Variants in GRIK2 observed in about 807,000 individuals in gnomAD.
The protein encoded by GRIK2 is glutamate ionotropic receptor kainate type subunit 2, also known as glutamate receptor ionotropic, kainate 2.
GRIK2 carries 32 observed loss-of-function variants against 100.3 expected under a neutral mutation model. The observed-to-expected ratio is 0.32, with a 90% confidence interval of 0.24 to 0.43. GRIK2 has a LOEUF of 0.43. Among genes scored for constraint, GRIK2 ranks in the 20% least tolerant of loss-of-function variants. The pLI is 1.00. For synonymous variants in GRIK2, 417 were observed against 389.4 expected, an observed-to-expected ratio of 1.07 and a Z score of -0.83; for missense variants, 843 against 1,114.9, an observed-to-expected ratio of 0.76 and a Z score of 3.47.
intron 7 of GRIK2, among the ~76,000 whole-genome samples, chr6:101,774,046 A>C (rs1229977156): frequency 4.6e-5 from 7 of 152,134 alleles, no homozygotes; most frequent in Non-Finnish European, 1.0e-4. Flanking sequence ...CTAACTTTTT[A>C]AGTCTTTTTC....
chr6:101,402,410 C>G (rs938602262), intron 2 of GRIK2, among the ~76,000 whole-genome samples: 13 of 152,154 alleles, frequency 8.5e-5, no homozygotes, highest in Non-Finnish European at 1.6e-4. Flanking sequence ...TCCCCCTTAA[C>G]CTCCAGCCTC....
intron 7 of GRIK2, among the ~76,000 whole-genome samples, chr6:101,711,481 ATAT>A (rs1773692157): frequency 6.6e-6 from 1 of 151,792 alleles, no homozygotes; most frequent in South Asian, 2.1e-4. Context: ...TATAGTAGTA[ATAT>A]TAACTATTAA....
intron 2 of GRIK2, among the ~76,000 whole-genome samples, chr6:101,407,082 T>C (rs886536113): frequency 2.0e-5 from 3 of 152,158 alleles, no homozygotes; most frequent in African/African-American, 7.2e-5. Context: ...AGTAATGTTC[T>C]GCTTCTGAAA....
At chr6:101,518,026 A>C (rs1346025296) in intron 2 of GRIK2, among the ~76,000 whole-genome samples, 1 of 152,146 alleles carries the variant, frequency 6.6e-6, no homozygotes, top group Non-Finnish European at 1.5e-5. Flanking sequence ...TTTCCAACTT[A>C]AAGCTAATCT....
chr6:101,915,213 G>A (rs1026423883), intron 12 of GRIK2, among the ~76,000 whole-genome samples: 6 of 151,174 alleles, frequency 4.0e-5, no homozygotes, highest in African/African-American at 1.5e-4. Context: ...AATATTTTGG[G>A]ATATATGTTA....
chr6:101,592,653 A>G (rs1189787078), intron 2 of GRIK2, among the ~76,000 whole-genome samples: 2 of 138,426 alleles, frequency 1.4e-5, no homozygotes, highest in African/African-American at 5.5e-5. Flanking sequence ...CACTACGTCT[A>G]TCATCTCTCT....
intron 2 of GRIK2, among the ~76,000 whole-genome samples, chr6:101,620,837 A>G (rs1270713876): frequency 6.6e-6 from 1 of 152,132 alleles, no homozygotes; most frequent in Non-Finnish European, 1.5e-5. Flanking sequence ...TTTTGGAGGC[A>G]AAGGCCTCAG....
intron 14 of GRIK2, among the ~76,000 whole-genome samples, chr6:101,957,074 G>C (rs983125037): frequency 6.6e-6 from 1 of 151,846 alleles, no homozygotes; most frequent in Non-Finnish European, 1.5e-5. Flanking sequence ...CCTCTATACT[G>C]TTTTCCACAG....
chr6:101,871,860 G>T (rs958577920), intron 11 of GRIK2, among the ~76,000 whole-genome samples: 4 of 151,744 alleles, frequency 2.6e-5, no homozygotes, highest in African/African-American at 9.7e-5. Flanking sequence ...GTATCTCTTT[G>T]GTAGAACAAT....
At position 101,556,969 on chromosome 6, in the gene GRIK2, A is replaced by G. The variant is rs568615914; in HGVS notation, c.116-64980A>G. Among the ~76,000 whole-genome samples, 248 of 152,286 alleles carry G rather than the reference A, an allele frequency of 1.6e-3. 1 individual carries two copies. The highest frequency in any genetic ancestry group is 5.8e-3 in the African/African-American group (239 of 41,554). ...CATTGAAGTTTGAATAAATATTTCT[A>G]TACAGTACCTAAATTATTTTTACTT... On this transcript the variant is annotated intron_variant, in intron 2 of 16. Coordinates refer to ENST00000369134, the MANE Select transcript of GRIK2 (RefSeq NM_021956.5).
intron 2 of GRIK2, among the ~76,000 whole-genome samples, chr6:101,408,811 T>C (rs1775728147): frequency 6.6e-6 from 1 of 151,988 alleles, no homozygotes; most frequent in African/African-American, 2.4e-5. Context: ...TTTGACCAAA[T>C]GGCTGGGCAC....
chr6:101,812,703 T>C (rs1472257307), intron 9 of GRIK2, among the ~76,000 whole-genome samples: 2 of 152,054 alleles, frequency 1.3e-5, no homozygotes, highest in African/African-American at 2.4e-5. Context: ...ATACTTATTG[T>C]AGTAAGTAAA....
At chr6:101,772,912 A>G (rs553878348) in intron 7 of GRIK2, among the ~76,000 whole-genome samples, 46 of 152,154 alleles carry the variant, frequency 3.0e-4, no homozygotes, top group African/African-American at 1.1e-3. Context: ...CAAAGAACTA[A>G]ATCATCTTTG....
intron 2 of GRIK2, among the ~76,000 whole-genome samples, chr6:101,492,891 T>C (rs963977053): frequency 4.6e-5 from 7 of 151,440 alleles, no homozygotes; most frequent in East Asian, 1.9e-4. Flanking sequence ...TTCCTGAGAA[T>C]AAAAGAGGAT....
At chr6:101,726,195 AAC>A (rs1774853313) in intron 7 of GRIK2, among the ~76,000 whole-genome samples, 2 of 151,984 alleles carry the variant, frequency 1.3e-5, no homozygotes, top group African/African-American at 2.4e-5. Flanking sequence ...GCTTTATGCA[AAC>A]AGTGTCCAGA....
intron 11 of GRIK2, among the ~76,000 whole-genome samples, chr6:101,882,787 A>G (rs760273281): frequency 6.6e-6 from 1 of 152,158 alleles, no homozygotes; most frequent in Non-Finnish European, 1.5e-5. Context: ...TACAATTTAA[A>G]CAAGTTTAAT....
At chr6:101,554,775 C>T (rs1562222355) in intron 2 of GRIK2, among the ~76,000 whole-genome samples, 1 of 152,010 alleles carries the variant, frequency 6.6e-6, no homozygotes, top group East Asian at 1.9e-4. Context: ...TGAGTATGTT[C>T]TTGAAGCAGG....
intron 2 of GRIK2, among the ~76,000 whole-genome samples, chr6:101,590,936 T>A (rs139661888): frequency 6.6e-6 from 1 of 152,086 alleles, no homozygotes; most frequent in Non-Finnish European, 1.5e-5. Flanking sequence ...GACTAACACA[T>A]GGACCATGTA....
chr6:101,567,278 A>G (rs1777322461), intron 2 of GRIK2, among the ~76,000 whole-genome samples: 1 of 151,856 alleles, frequency 6.6e-6, no homozygotes, highest in African/African-American at 2.4e-5. Flanking sequence ...TCAAGATTCC[A>G]TGATCTCTCT....
Sources: allele counts gnomAD v4.1 joint callset (sites outside exome capture counted in the v4.1 genomes callset), GRCh38; gene constraint gnomAD v4.1.1; transcripts MANE v1.5; gene names NCBI Gene and HGNC (gene_info 2026-07-23, HGNC 2026-07-21).